Variants in ZSWIM6 observed in about 807,000 individuals in gnomAD.
ZSWIM6 encodes the protein zinc finger SWIM-type containing 6, also known as zinc finger SWIM domain-containing protein 6.
Under a neutral mutation model 113.2 loss-of-function variants are expected in ZSWIM6, and 9 were observed. The ratio of observed to expected loss-of-function variants is 0.08; its 90% CI spans 0.05 to 0.14. ZSWIM6 has a LOEUF of 0.14. Among genes scored for constraint, ZSWIM6 ranks in the 10% least tolerant of loss-of-function variants. ZSWIM6 has a pLI of 1.00. For missense variants in ZSWIM6, 1,162 were observed against 1,552.2 expected (o/e 0.75, Z 4.22); for synonymous variants, 611 against 606.5 (o/e 1.01, Z -0.11).
chr5:61,378,888 C>T (rs1745423554), intron 1 of ZSWIM6, among the ~76,000 whole-genome samples: 1 of 151,956 alleles, frequency 6.6e-6, no homozygotes. Context: ...ATAAAAATTA[C>T]ATGAAATTGG....
At chr5:61,333,570 C>T (rs926391159) in intron 1 of ZSWIM6, among the ~76,000 whole-genome samples, 1 of 151,778 alleles carries the variant, frequency 6.6e-6, no homozygotes, top group Admixed American at 6.5e-5. Flanking sequence ...GCGTCTGGCC[C>T]GGGCGAGCTC....
At chr5:61,431,582 A>G (rs1288464191) in intron 1 of ZSWIM6, among the ~76,000 whole-genome samples, 2 of 150,070 alleles carry the variant, frequency 1.3e-5, no homozygotes, top group Non-Finnish European at 3.0e-5. Flanking sequence ...TGTCTCTACT[A>G]AAAATAAAAA....
chr5:61,504,001 G>C (rs1206255438), intron 4 of ZSWIM6, among the ~76,000 whole-genome samples: 1 of 151,916 alleles, frequency 6.6e-6, no homozygotes, highest in African/African-American at 2.4e-5. Flanking sequence ...TCCTATAAAG[G>C]TGAAAATATG....
At chr5:61,485,553 A>G (rs1260514937) in intron 2 of ZSWIM6, among the ~76,000 whole-genome samples, 2 of 151,988 alleles carry the variant, frequency 1.3e-5, no homozygotes, top group East Asian at 1.9e-4. Flanking sequence ...AGTATTCCGT[A>G]TGGTTGTTTA....
At chr5:61,375,612 A>G in intron 1 of ZSWIM6, 1 of 1,536,744 alleles carries the variant, frequency 6.5e-7, no homozygotes, top group African/African-American at 1.4e-5. Flanking sequence ...CAAAAGATGG[A>G]ACTGAGAAAG....
At chr5:61,539,799 C>A in intron 12 of ZSWIM6, 40 bp downstream of exon 12, 1 of 1,516,814 alleles carries the variant, frequency 6.6e-7, no homozygotes, top group East Asian at 2.5e-5. Context: ...TCAAAGACTG[C>A]TAAATAAAGG....
At chr5:61,338,612 AC>A (rs1744457796) in intron 1 of ZSWIM6, among the ~76,000 whole-genome samples, 1 of 152,202 alleles carries the variant, frequency 6.6e-6, no homozygotes, top group Admixed American at 6.5e-5. Flanking sequence ...TTGTTATCAT[AC>A]TTAGTTCTCT....
chr5:61,333,676 C>T (rs1744319104), intron 1 of ZSWIM6, among the ~76,000 whole-genome samples: 1 of 152,130 alleles, frequency 6.6e-6, no homozygotes, highest in Non-Finnish European at 1.5e-5. Context: ...ACTCCGTCTC[C>T]GGAGGGACAT....
At chr5:61,333,778 C>T (rs1474503662) in intron 1 of ZSWIM6, among the ~76,000 whole-genome samples, 5 of 151,744 alleles carry the variant, frequency 3.3e-5, no homozygotes, top group African/African-American at 7.3e-5. Flanking sequence ...TCCAGACACC[C>T]CTGTGCGGGC....
rs567052530 is a variant in ZSWIM6 at position 61,464,976 on chromosome 5, G to A, written c.677-7705G>A. 9.3e-4 allele frequency among the ~76,000 whole-genome samples: 141 copies of A among 152,296 alleles called. 2 individuals carry two copies. The South Asian group carries it at 0.028, about 31-fold the overall frequency. ...TGGGACCCAGGTGAGAGGCCAAAGT[G>A]AGCAGTGAGAGGAAGCAGCAGTGAA... On this transcript the variant is annotated intron_variant, in intron 1 of 13. Coordinates refer to ENST00000252744, the MANE Select transcript of ZSWIM6 (RefSeq NM_020928.2).
intron 9 of ZSWIM6, among the ~76,000 whole-genome samples, chr5:61,532,175 G>A (rs1339913426): frequency 1.3e-5 from 2 of 152,130 alleles, no homozygotes; most frequent in African/African-American, 2.4e-5. Flanking sequence ...TGTGTCATAC[G>A]CACACGCTAA....
chr5:61,494,122 CCA>C (rs35518308), intron 3 of ZSWIM6, 136 bp from the exon 4 acceptor site: 54,853 of 637,618 alleles, frequency 0.086, no homozygotes, highest in East Asian at 0.15. Context: ...CTATCCTCCA[CCA>C]CACACACACA....
intron 10 of ZSWIM6, among the ~76,000 whole-genome samples, chr5:61,536,900 C>A (rs1198111844): frequency 6.6e-6 from 1 of 152,172 alleles, no homozygotes; most frequent in Non-Finnish European, 1.5e-5. Flanking sequence ...AGTCCCCCAC[C>A]AAATTACATT....
At chr5:61,502,677 G>A (rs1748505454) in intron 4 of ZSWIM6, among the ~76,000 whole-genome samples, 1 of 152,236 alleles carries the variant, frequency 6.6e-6, no homozygotes, top group South Asian at 2.1e-4. Flanking sequence ...GGCCTGTTAG[G>A]AACTGAGGCA....
chr5:61,398,816 A>G (rs1248571703), intron 1 of ZSWIM6, among the ~76,000 whole-genome samples: 1 of 151,628 alleles, frequency 6.6e-6, no homozygotes, highest in Non-Finnish European at 1.5e-5. Context: ...TACTGGTGTC[A>G]TTAGGATGCT....
chr5:61,538,679 T>TGTACCA, intron 10 of ZSWIM6, 135 bp from the exon 11 acceptor site: 1 of 943,178 alleles, frequency 1.1e-6, no homozygotes, highest in Non-Finnish European at 1.6e-6. Flanking sequence ...AGAGTATAGC[T>TGTACCA]GTACCAGCCC....
At chr5:61,441,784 T>C (rs1746839664) in intron 1 of ZSWIM6, among the ~76,000 whole-genome samples, 1 of 152,184 alleles carries the variant, frequency 6.6e-6, no homozygotes, top group African/African-American at 2.4e-5. Flanking sequence ...TTTAGCGAAC[T>C]TATCTGTTTG....
At chr5:61,334,934 C>T (rs529724238) in intron 1 of ZSWIM6, among the ~76,000 whole-genome samples, 3 of 151,800 alleles carry the variant, frequency 2.0e-5, no homozygotes, top group Admixed American at 6.5e-5. Context: ...TGCTTGACTC[C>T]GCTTGCAAGC....
intron 1 of ZSWIM6, among the ~76,000 whole-genome samples, chr5:61,410,730 T>G (rs1746135523): frequency 1.3e-5 from 2 of 152,258 alleles, no homozygotes; most frequent in South Asian, 4.1e-4. Flanking sequence ...TGTAAACTAC[T>G]GTTACATTGA....
Sources: allele counts gnomAD v4.1 joint callset (sites outside exome capture counted in the v4.1 genomes callset), GRCh38; gene constraint gnomAD v4.1.1; transcripts MANE v1.5; gene names NCBI Gene and HGNC (gene_info 2026-07-23, HGNC 2026-07-21).